The following KIF2C variants were observed in gnomAD, a reference collection of about 807,000 sequenced individuals.
KIF2C encodes kinesin-like protein KIF2C.
A neutral mutation model predicts 97.4 loss-of-function variants in KIF2C; 34 were observed. The observed-to-expected ratio is 0.35, with a 90% CI of 0.27 to 0.46. KIF2C has a LOEUF of 0.46. KIF2C is among the 20% of genes least tolerant of loss of function. KIF2C has a pLI of 1.00. For synonymous variants in KIF2C, 313 were observed against 318.2 expected, an observed-to-expected ratio of 0.98 and a Z score of 0.17; for missense variants, 750 against 907.6, an observed-to-expected ratio of 0.83 and a Z score of 2.23.
In KIF2C at chr1:44,766,819, G is replaced by C; in HGVS notation, c.1972-7G>C. On this transcript the variant is annotated splice_region_variant and splice_polypyrimidine_tract_variant and intron_variant, in intron 19 of 20. Transcript: ENST00000372224. ...ATTGAACTGACAAGGTCCTCCCTGT[G>C]TTGTAGCAAGGACCAGACTGGCTTG... 1 of 1,614,064 alleles carries C rather than the reference G, an allele frequency of 6.2e-7. No individual in the cohort carries two copies. Among genetic ancestry groups the C allele is most frequent in the Non-Finnish European group, 8.5e-7 (1 of 1,179,944 alleles).
chr1:44,751,821 CTT>C (rs375561958), intron 5 of KIF2C, among the ~76,000 whole-genome samples: 1 of 100,098 alleles, frequency 1.0e-5, no homozygotes, highest in Admixed American at 1.5e-4. Context: ...CTTTTTATAC[CTT>C]TTTTTTTTTT....
At chr1:44,746,309 T>G in intron 2 of KIF2C, 1 of 955,844 alleles carries the variant, frequency 1.0e-6, no homozygotes, top group Non-Finnish European at 1.3e-6. Flanking sequence ...CTGGTGAAGT[T>G]TGAGTTGTTC....
rs570970157 is a variant in KIF2C at position 44,743,233 on chromosome 1, G to A, written c.165+2226G>A. The stretch of plus-strand genomic sequence containing the variant: ...TAGTGGCATTGTGGTGTAGTGAAAA[G>A]GTCACTGGGCTAGGAGTATGAAAAC... On this transcript the variant is annotated intron_variant, in intron 2 of 20. Coordinates refer to ENST00000372224, the MANE Select transcript of KIF2C (RefSeq NM_006845.4). 4.6e-5 allele frequency among the ~76,000 whole-genome samples: 7 copies of A among 152,348 alleles called. No individual in the cohort carries two copies. The South Asian group carries it at 1.4e-3, about 32-fold the overall frequency.
chr1:44,750,825 C>CTT (rs1475585414), intron 5 of KIF2C, among the ~76,000 whole-genome samples: 1 of 152,200 alleles, frequency 6.6e-6, no homozygotes, highest in African/African-American at 2.4e-5. Context: ...ACTGAACACA[C>CTT]TTATGTAACT....
chr1:44,765,686 A>AAT (rs1650421847), intron 19 of KIF2C, among the ~76,000 whole-genome samples: 1 of 152,064 alleles, frequency 6.6e-6, no homozygotes, highest in South Asian at 2.1e-4. Context: ...ATAAAAAAAA[A>AAT]TAGCCTGGTG....
rs1394881848 is a variant in KIF2C, at chr1:44,753,823, A to G, written c.653A>G (p.Lys218Arg). 1 of 1,605,974 alleles carries G rather than the reference A, an allele frequency of 6.2e-7. No individual in the cohort carries two copies. The highest frequency in any genetic ancestry group is 8.5e-7 in the Non-Finnish European group (1 of 1,175,668). Residue 218 changes from lysine to arginine, a missense_variant, in exon 7 of 21, where the codon AAG becomes AGG. Coordinates refer to ENST00000372224, the MANE Select transcript of KIF2C (RefSeq NM_006845.4). Reference protein sequence around the residue: ...KKAQNSEMRMKRAQEYDSSFP... With the variant: ...KKAQNSEMRMRRAQEYDSSFP... Reference sequence around the variant, plus strand: ...GCCCAGAACTCTGAAATGAGAATGAAGAGAGCTCAGGTACCTTTCTTGGGA... The same window carrying G: ...GCCCAGAACTCTGAAATGAGAATGAGGAGAGCTCAGGTACCTTTCTTGGGA...
chr1:44,739,884 A>G lies in KIF2C; in HGVS notation c.-49A>G, dbSNP rs1648843933. 1 of 1,552,580 alleles carries G rather than the reference A, an allele frequency of 6.4e-7. No individual in the cohort carries two copies. Among genetic ancestry groups the G allele is most frequent in the Non-Finnish European group, 8.9e-7 (1 of 1,124,120 alleles). On this transcript the variant is annotated 5_prime_UTR_variant, in exon 1 of 21. Transcript: ENST00000372224. ...GTTAAGACTTCGTAGGGTTAGCGAA[A>G]TTGAGGTTTCTTGGTATTGCGCGTT... is the stretch of plus-strand genomic sequence containing the variant.
intron 2 of KIF2C, chr1:44,746,581 T>TG: frequency 4.3e-6 from 6 of 1,399,636 alleles, no homozygotes; most frequent in South Asian, 1.7e-5. Flanking sequence ...AAGAGGTGCT[T>TG]GGGGGGCTGT....
At position 44,761,959 on chromosome 1, in the gene KIF2C, T is replaced by C; in HGVS notation, c.1727T>C (p.Leu576Ser). 6.2e-7 allele frequency: 1 copy of C among 1,614,116 alleles called. No homozygotes were observed. The highest frequency in any genetic ancestry group is 1.3e-5 in the African/African-American group (1 of 75,022). The change falls in exon 17 of 21, where the codon TTA becomes TCA. Residue 576 changes from leucine (L) to serine (S), a missense_variant. Leu to Ser is a moderately radical substitution (Grantham distance 145, BLOSUM62 -2). Coordinates refer to ENST00000372224, the MANE Select transcript of KIF2C (RefSeq NM_006845.4). ...GGCATAAGCTCCTGTGAATATACTT[T>C]AAACACCCTGAGATATGCAGACAGG... ...SPGISSCEYT[L>S]NTLRYADRVK...
intron 6 of KIF2C, 126 bp from the exon 7 acceptor site, chr1:44,753,607 A>G: frequency 1.6e-6 from 1 of 638,822 alleles, no homozygotes; most frequent in Non-Finnish European, 2.7e-6. Context: ...AAGAGTAAGG[A>G]TCTAGAGAAG....
intron 2 of KIF2C, chr1:44,746,876 T>C: frequency 4.7e-6 from 5 of 1,068,296 alleles, no homozygotes; most frequent in Non-Finnish European, 4.0e-6. Context: ...TAATTTTTTC[T>C]ATGTTGTTTT....
At chr1:44,754,893 A>G (rs1324765097) in intron 8 of KIF2C, 48 bp downstream of exon 8, 3 of 1,142,080 alleles carry the variant, frequency 2.6e-6, no homozygotes, top group Non-Finnish European at 4.0e-6. Context: ...CAATTGAGAG[A>G]CAGAAAACTT....
At position 44,767,552 on chromosome 1, in the gene KIF2C, C is replaced by G; in HGVS notation, c.*373C>G. 4.6e-6 allele frequency: 1 copy of G among 215,562 alleles called. No individual in the cohort carries two copies. The highest frequency in any genetic ancestry group is 7.0e-5 in the South Asian group (1 of 14,320). 13.4% of individuals were successfully genotyped at this position (215,562 alleles called of 1,614,324 possible). A position where few individuals can be genotyped will look rare whatever the true frequency, so the allele number is the denominator to read the frequency against. ...CCTGGCTCTGGGGAGAGAGACGGAG[C>G]CTTTAGTACAGCTATCTGCTGGCTC... On this transcript the variant is annotated 3_prime_UTR_variant, in exon 21 of 21. Coordinates refer to ENST00000372224, the MANE Select transcript of KIF2C (RefSeq NM_006845.4).
intron 1 of KIF2C, 127 bp from the exon 2 acceptor site, chr1:44,740,786 T>TTC (rs1648893968): frequency 4.6e-6 from 2 of 431,210 alleles, no homozygotes; most frequent in Non-Finnish European, 8.6e-6. Context: ...TTAGTTTTTT[T>TTC]TTTTTTTTTT....
intron 2 of KIF2C, among the ~76,000 whole-genome samples, chr1:44,742,538 C>T (rs537617121): frequency 2.6e-5 from 4 of 151,618 alleles, no homozygotes; most frequent in South Asian, 4.2e-4. Flanking sequence ...GCCAACATAG[C>T]GAAACCCCCA....
chr1:44,749,002 A>G (rs1649367497), intron 4 of KIF2C, among the ~76,000 whole-genome samples: 1 of 152,126 alleles, frequency 6.6e-6, no homozygotes, highest in Non-Finnish European at 1.5e-5. Context: ...TTAATGGAAA[A>G]AAAAATCTTT....
At chr1:44,754,663 G>A in intron 7 of KIF2C, 87 bp from the exon 8 acceptor site, 1 of 825,720 alleles carries the variant, frequency 1.2e-6, no homozygotes, top group South Asian at 1.3e-5. Context: ...AGGGTGGTGA[G>A]CAAAGAGCTG....
At chr1:44,746,218 A>G (rs71653924) in intron 2 of KIF2C, among the ~76,000 whole-genome samples, 3,253 of 152,318 alleles carry the variant, frequency 0.021, 46 homozygotes, top group Non-Finnish European at 0.033. Flanking sequence ...CTCACCCTAG[A>G]GTACATGCTT....
chr1:44,762,727 G>A (rs773544845), intron 19 of KIF2C, 69 bp downstream of exon 19: 15 of 1,003,128 alleles, frequency 1.5e-5, no homozygotes, highest in African/African-American at 6.3e-5. Flanking sequence ...ACCATTCCCA[G>A]AACATGACCT....
Sources: gnomAD v4.1 joint callset for allele counts (sites outside exome capture counted in the v4.1 genomes callset) on GRCh38, gnomAD v4.1.1 for gene constraint, MANE v1.5 for transcripts, NCBI Gene and HGNC (gene_info 2026-07-23, HGNC 2026-07-21) for gene names.